PSD3: variants seen among roughly 807,000 people sequenced by gnomAD.
PSD3 encodes the protein PH and SEC7 domain-containing protein 3.
In PSD3, 49 loss-of-function variants were observed where a neutral mutation model predicts 105.5. The ratio of observed to expected loss-of-function variants is 0.46; its 90% confidence interval spans 0.37 to 0.59. The LOEUF (loss-of-function observed/expected upper bound fraction) is 0.59, where lower values mean the gene tolerates loss of function less well. Among genes scored for constraint, PSD3 ranks in the 20% least tolerant of loss-of-function variants. The pLI, the probability that PSD3 is intolerant of heterozygous loss-of-function variation, is 0.00. For synonymous variants in PSD3, 557 were observed against 457.8 expected, an observed-to-expected ratio of 1.22 and a Z score of -2.77; for missense variants, 1,561 against 1,263.8, an observed-to-expected ratio of 1.24 and a Z score of -3.57.
At chr8:18,637,526 C>G (rs184931325) in intron 10 of PSD3, among the ~76,000 whole-genome samples, 2 of 152,114 alleles carry the variant, frequency 1.3e-5, no homozygotes, top group African/African-American at 2.4e-5. Context: ...ATAGTTCTGC[C>G]TTTTCCAGAA....
chr8:19,084,275 G>C (rs1264752415), exon 1 of PSD3: 1 of 456,320 alleles, frequency 2.2e-6, no homozygotes, highest in Non-Finnish European at 4.4e-6. Context: ...AGTACCTGTA[G>C]AGCCATGCCC....
chr8:18,696,786 A>T (rs1801283401), intron 9 of PSD3, among the ~76,000 whole-genome samples: 1 of 152,194 alleles, frequency 6.6e-6, no homozygotes, highest in Non-Finnish European at 1.5e-5. Flanking sequence ...ACATCATTAG[A>T]GCTGGGGAAA....
At chr8:18,923,985 C>T (rs948467548) in intron 2 of PSD3, among the ~76,000 whole-genome samples, 1 of 149,966 alleles carries the variant, frequency 6.7e-6, no homozygotes, top group Admixed American at 6.6e-5. Flanking sequence ...ACTGAACAGA[C>T]AGTAGAAATA....
intron 8 of PSD3, 101 bp downstream of exon 8, chr8:18,799,194 G>C (rs1810465129): frequency 6.7e-6 from 7 of 1,043,432 alleles, no homozygotes; most frequent in South Asian, 3.9e-5. Context: ...GAACCATGTA[G>C]AGAATGGGAA....
intron 4 of PSD3, chr8:18,865,272 ATATATATATATATATTTTTTTTTTTTT>A (rs1816823466): frequency 4.6e-4 from 1 of 2,186 alleles, no homozygotes; most frequent in African/African-American, 1.7e-3. Context: ...ATATATATAT[ATATATATATATATATTTTTTTTTTTTT>A]TTTTTTTTTT....
chr8:18,679,268 G>T lies in PSD3; in HGVS notation c.2173-23583C>A, dbSNP rs1010148218. Among the ~76,000 whole-genome samples, 2 of 152,284 alleles carry T rather than the reference G, an allele frequency of 1.3e-5. 1 individual carries two copies. Among genetic ancestry groups the T allele is most frequent in the Admixed American group, 1.3e-4 (2 of 15,300 alleles). The stretch of plus-strand genomic sequence containing the variant: ...TTTGTGTATAGCTTTAACTCACAGA[G>T]GAAGCAATGATTAGCAGTTATCTAA... On this transcript the variant is annotated intron_variant, in intron 9 of 15. Coordinates refer to ENST00000327040, the MANE Select transcript of PSD3 (RefSeq NM_015310.4).
chr8:18,953,386 T>TA (rs368901061), intron 1 of PSD3, among the ~76,000 whole-genome samples: 157 of 152,306 alleles, frequency 1.0e-3, no homozygotes, highest in African/African-American at 3.6e-3. Flanking sequence ...AGGCAACACA[T>TA]ATAAATATAT....
At chr8:18,804,682 C>T in intron 5 of PSD3, 22 bp downstream of exon 5, 2 of 1,612,716 alleles carry the variant, frequency 1.2e-6, no homozygotes, top group Non-Finnish European at 1.7e-6. Flanking sequence ...AATTCAGACT[C>T]CAGCAATGGG....
chr8:18,750,680 A>T (rs1235641750), intron 9 of PSD3, among the ~76,000 whole-genome samples: 4 of 151,878 alleles, frequency 2.6e-5, no homozygotes, highest in Non-Finnish European at 4.4e-5. Flanking sequence ...GCCTGTTTTG[A>T]CAGGGCGCTG....
chr8:18,689,397 A>G (rs1800845625), intron 9 of PSD3, among the ~76,000 whole-genome samples: 1 of 152,202 alleles, frequency 6.6e-6, no homozygotes, highest in Non-Finnish European at 1.5e-5. Flanking sequence ...CTTTGCTAAG[A>G]AAATCTCACA....
At chr8:18,749,728 C>T (rs1805317726) in intron 9 of PSD3, among the ~76,000 whole-genome samples, 2 of 152,026 alleles carry the variant, frequency 1.3e-5, no homozygotes, top group African/African-American at 4.8e-5. Flanking sequence ...TCAGACAGTA[C>T]CAGAGAGTGA....
chr8:18,536,158 T>A (rs950264050), intron 15 of PSD3, among the ~76,000 whole-genome samples, 200 bp from the exon 16 acceptor site: 9 of 152,202 alleles, frequency 5.9e-5, no homozygotes, highest in African/African-American at 1.7e-4. Context: ...GATAAGAAAT[T>A]AAGTTAGAAT....
intron 2 of PSD3, among the ~76,000 whole-genome samples, chr8:18,877,567 G>A (rs1023798834): frequency 6.9e-6 from 1 of 145,770 alleles, no homozygotes; most frequent in Non-Finnish European, 1.5e-5. Context: ...TTTTTGACAG[G>A]ATCTCACTCT....
At position 18,872,005 on chromosome 8, in the gene PSD3, T is replaced by C. The variant is rs751475144; in HGVS notation, c.859A>G (p.Ser287Gly). 2.5e-6 allele frequency: 4 copies of C among 1,614,164 alleles called. No individual in the cohort carries two copies. The Admixed American group carries it at 6.7e-5, about 27-fold the overall frequency. The change falls in exon 3 of 16, where the codon AGC (serine) becomes GGC (glycine). Residue 287 changes from serine to glycine, a missense_variant. By Grantham distance (56) the Ser-to-Gly change is moderately conservative. Coordinates refer to ENST00000327040, the MANE Select transcript of PSD3 (RefSeq NM_015310.4). ...CGGCCTGGGCGTCCCATGGAGCTGC[T>C]TCGATCACATCCCCCTGGGTGCTCT... ...GREHPGGCDR[S>G]SSMGRPGRVK...
At chr8:18,629,441 C>G (rs939314561) in intron 11 of PSD3, among the ~76,000 whole-genome samples, 1 of 151,928 alleles carries the variant, frequency 6.6e-6, no homozygotes, top group African/African-American at 2.4e-5. Flanking sequence ...CAGTTCAAAA[C>G]TGGAAACAAC....
chr8:18,825,458 C>T (rs993340658), intron 4 of PSD3, among the ~76,000 whole-genome samples: 1 of 152,180 alleles, frequency 6.6e-6, no homozygotes, highest in African/African-American at 2.4e-5. Flanking sequence ...TCAGTGTCCA[C>T]TGGCTATAAG....
chr8:19,071,327 T>C (rs1478337709), intron 1 of PSD3, among the ~76,000 whole-genome samples: 2 of 115,314 alleles, frequency 1.7e-5, no homozygotes. Context: ...CTCGGCCTCC[T>C]AATCTTTTTT....
chr8:18,745,470 A>G (rs1804931065), intron 9 of PSD3, among the ~76,000 whole-genome samples: 1 of 152,234 alleles, frequency 6.6e-6, no homozygotes, highest in Admixed American at 6.5e-5. Context: ...GAGCTCCTCC[A>G]GGTTGGCTAG....
chr8:18,611,590 A>AT (rs145272783), intron 11 of PSD3, among the ~76,000 whole-genome samples: 37,804 of 150,442 alleles, frequency 0.25, 4,962 homozygotes, highest in Non-Finnish European at 0.31. Context: ...AATCCTTTGG[A>AT]TTTTTTTTTT....
Sources: allele counts gnomAD v4.1 joint callset (sites outside exome capture counted in the v4.1 genomes callset), GRCh38; gene constraint gnomAD v4.1.1; transcripts MANE v1.5; gene names NCBI Gene and HGNC (gene_info 2026-07-23, HGNC 2026-07-21).